SFT2D2: variants seen among roughly 807,000 people sequenced by gnomAD.
The protein encoded by SFT2D2 is vesicle transport protein SFT2B.
SFT2D2 carries 21 observed loss-of-function variants against 27.4 expected under a neutral mutation model. The observed-to-expected ratio is 0.77, with a 90% CI of 0.54 to 1.10. The LOEUF is 1.10. Among genes scored for constraint, SFT2D2 ranks in the 50% least tolerant of loss-of-function variants. The pLI, the probability that SFT2D2 is intolerant of heterozygous loss-of-function variation, is 0.00. For synonymous variants in SFT2D2, 72 were observed against 71.7 expected (o/e 1.00, Z -0.02); for missense variants, 187 against 194.2 (o/e 0.96, Z 0.22).
intron 1 of SFT2D2, among the ~76,000 whole-genome samples, chr1:168,228,430 C>A (rs1700482579): frequency 6.6e-6 from 1 of 152,150 alleles, no homozygotes; most frequent in Non-Finnish European, 1.5e-5. Context: ...GTGACTAGTT[C>A]TATTTCTCCT....
At chr1:168,239,010 A>T in intron 6 of SFT2D2, 121 bp from the exon 7 acceptor site, 1 of 756,194 alleles carries the variant, frequency 1.3e-6, no homozygotes, top group Non-Finnish European at 2.3e-6. Context: ...CCCCAGGCTG[A>T]GTATGGGAGA....
At chr1:168,230,404 G>A (rs1426467587) in intron 1 of SFT2D2, among the ~76,000 whole-genome samples, 2 of 152,166 alleles carry the variant, frequency 1.3e-5, no homozygotes, top group East Asian at 3.9e-4. Context: ...AGCTGTCTTT[G>A]TCCAGCTTGG....
intron 4 of SFT2D2, among the ~76,000 whole-genome samples, chr1:168,235,718 C>A (rs1647474887): frequency 6.6e-6 from 1 of 152,190 alleles, no homozygotes; most frequent in Non-Finnish European, 1.5e-5. Context: ...TTTGTTGTAT[C>A]TTCCTGTTCC....
chr1:168,226,978 C>T (rs1316677734), intron 1 of SFT2D2, among the ~76,000 whole-genome samples: 2 of 152,076 alleles, frequency 1.3e-5, no homozygotes, highest in African/African-American at 2.4e-5. Context: ...CGCCATCAAA[C>T]CCGGCTAATT....
In SFT2D2 at chr1:168,250,972, GGGAGCAA is replaced by G. The variant is rs1456361911; in HGVS notation, c.*8434_*8440del. The G allele has an allele frequency of 6.6e-6, 1 of 152,222 alleles. No individual in the cohort carries two copies. The highest frequency in any genetic ancestry group is 1.9e-4 in the East Asian group (1 of 5,192). The allele number at this position is 152,222 out of a possible 1,614,324, so 9.4% of individuals were successfully genotyped here. ...TTCCACCCTAATCACTGCAGGCTCA[GGGAGCAA>G]GAAATAAAATCATGAAATGCATTCC... On this transcript the variant is annotated 3_prime_UTR_variant, in exon 8 of 8. Coordinates refer to ENST00000271375, the MANE Select transcript of SFT2D2 (RefSeq NM_199344.3).
rs907807291 is a variant in SFT2D2 at position 168,245,813 on chromosome 1, A to G, written c.*3273A>G. The stretch of plus-strand genomic sequence containing the variant: ...CTGCTGCATCAAACTTGAACTTCGC[A>G]GGATTTTCTGAAGCTGCTCAATTTG... On this transcript the variant is annotated 3_prime_UTR_variant, in exon 8 of 8. Coordinates refer to ENST00000271375, the MANE Select transcript of SFT2D2 (RefSeq NM_199344.3). 4 of 152,746 alleles carry G rather than the reference A, an allele frequency of 2.6e-5. No individual in the cohort carries two copies. The highest frequency in any genetic ancestry group is 9.7e-5 in the African/African-American group (4 of 41,450). 9.5% of individuals were successfully genotyped at this position (152,746 alleles called of 1,614,324 possible). A position where few individuals can be genotyped will look rare whatever the true frequency, so the allele number is the denominator to read the frequency against.
chr1:168,229,924 C>G (rs1054259224), intron 1 of SFT2D2, among the ~76,000 whole-genome samples: 1 of 152,174 alleles, frequency 6.6e-6, no homozygotes, highest in Non-Finnish European at 1.5e-5. Flanking sequence ...TTTACCTCAG[C>G]GTAAAACCAG....
chr1:168,236,513 G>A, intron 4 of SFT2D2, 76 bp from the exon 5 acceptor site: 1 of 1,430,592 alleles, frequency 7.0e-7, no homozygotes, highest in Non-Finnish European at 9.7e-7. Context: ...GTGCATTTGT[G>A]AAGAATAACA....
intron 6 of SFT2D2, among the ~76,000 whole-genome samples, chr1:168,238,755 T>A (rs1180482928): frequency 1.3e-5 from 2 of 152,102 alleles, no homozygotes; most frequent in Non-Finnish European, 2.9e-5. Flanking sequence ...TGTTCTGGGT[T>A]TTATTTGATA....
At chr1:168,239,248 A>G in intron 7 of SFT2D2, 88 bp downstream of exon 7, 1 of 1,059,358 alleles carries the variant, frequency 9.4e-7, no homozygotes. Context: ...ATTTATCTTT[A>G]CTGAAGTCTT....
chr1:168,239,688 A>G (rs1192984024), intron 7 of SFT2D2, among the ~76,000 whole-genome samples: 1 of 152,086 alleles, frequency 6.6e-6, no homozygotes, highest in African/African-American at 2.4e-5. Context: ...GAGTTGGTCT[A>G]GATCATCTCC....
rs149604829 is a variant in SFT2D2 at position 168,242,548 on chromosome 1, C to G, written c.*8C>G. 10 of 1,614,096 alleles carry G rather than the reference C, an allele frequency of 6.2e-6. No homozygotes were observed. The highest frequency in any genetic ancestry group is 8.5e-6 in the Non-Finnish European group (10 of 1,180,004). ...GCCGTGTGTCTTGCATAATTCATGG[C>G]CAGTTTTATGAAGCTTTGGAAGGCA... On this transcript the variant is annotated 3_prime_UTR_variant, in exon 8 of 8. Coordinates refer to ENST00000271375, the MANE Select transcript of SFT2D2 (RefSeq NM_199344.3).
rs1280997023 is a variant in SFT2D2 at position 168,236,725 on chromosome 1, G to C, written c.368G>C (p.Gly123Ala). The C allele has an allele frequency of 1.2e-6, 2 of 1,614,020 alleles. No individual in the cohort carries two copies. Among genetic ancestry groups the C allele is most frequent in the Non-Finnish European group, 1.7e-6 (2 of 1,180,042 alleles). Residue 123 changes from glycine (G) to alanine (A), a missense_variant, in exon 6 of 8, where the codon GGA (glycine) becomes GCA (alanine). By Grantham distance (60) the Gly-to-Ala change is moderately conservative (BLOSUM62 0). Coordinates refer to ENST00000271375, the MANE Select transcript of SFT2D2 (RefSeq NM_199344.3). ...TTATTTTTCCAGTGGCATAACAAGG[G>C]ACTTGCACTTATCTTCTGCATTTTG... ...LCSAFWWHNK[G>A]LALIFCILQS...
intron 1 of SFT2D2, among the ~76,000 whole-genome samples, chr1:168,226,880 C>T (rs112126817): frequency 0.11 from 16,387 of 152,064 alleles, 961 homozygotes; most frequent in South Asian, 0.17. Context: ...AGTGCAGTGG[C>T]GCGATCTTGG....
rs934788483 is a variant in SFT2D2 at position 168,233,682 on chromosome 1, A to G, written c.237-1419A>G. ...GGGCAGACAGTGTAAGTTACATTGT[A>G]TAGTCTAGACTGAGCATAAATATAT... On this transcript the variant is annotated intron_variant, in intron 3 of 7. Transcript: ENST00000271375. Among the ~76,000 whole-genome samples, 7 of 152,208 alleles carry G rather than the reference A, an allele frequency of 4.6e-5. 1 individual carries two copies. Among genetic ancestry groups the G allele is most frequent in the Non-Finnish European group, 1.0e-4 (7 of 68,040 alleles).
At chr1:168,226,242 G>A (rs1700457348) in intron 1 of SFT2D2, 100 bp downstream of exon 1, 1 of 1,081,392 alleles carries the variant, frequency 9.2e-7, no homozygotes. Flanking sequence ...GGAGTTTCTG[G>A]ACGGTAGCTC....
rs1647738661 is a variant in SFT2D2 at position 168,244,282 on chromosome 1, A to C, written c.*1742A>C. 1 of 152,092 alleles carries C rather than the reference A, an allele frequency of 6.6e-6. No homozygotes were observed. Among genetic ancestry groups the C allele is most frequent in the African/African-American group, 2.4e-5 (1 of 41,318 alleles). The allele number at this position is 152,092 out of a possible 1,614,324, so 9.4% of individuals were successfully genotyped here. On this transcript the variant is annotated 3_prime_UTR_variant, in exon 8 of 8. Coordinates refer to ENST00000271375, the MANE Select transcript of SFT2D2 (RefSeq NM_199344.3). ...AACCTCCACCTCCCGGGTTCAAGCA[A>C]TTCTCCTGCCTCAGCCTTCCAAGTA...
chr1:168,238,496 A>G (rs192159741), intron 6 of SFT2D2, among the ~76,000 whole-genome samples: 1 of 151,850 alleles, frequency 6.6e-6, no homozygotes, highest in Non-Finnish European at 1.5e-5. Context: ...TCTCTGCAAA[A>G]AAACAAACAA....
At chr1:168,236,062 G>A (rs576572603) in intron 4 of SFT2D2, among the ~76,000 whole-genome samples, 3 of 152,174 alleles carry the variant, frequency 2.0e-5, no homozygotes, top group Non-Finnish European at 4.4e-5. Flanking sequence ...AGTTGTCCTT[G>A]GCCAGCCTCA....
Sources: gnomAD v4.1 joint callset for allele counts (sites outside exome capture counted in the v4.1 genomes callset) on GRCh38, gnomAD v4.1.1 for gene constraint, MANE v1.5 for transcripts, NCBI Gene and HGNC (gene_info 2026-07-23, HGNC 2026-07-21) for gene names.